LRP1B: variants seen among roughly 807,000 people sequenced by gnomAD.
LRP1B encodes low-density lipoprotein receptor-related protein 1B.
In LRP1B, 217 loss-of-function variants were observed where a neutral mutation model predicts 556.6. The ratio of observed to expected loss-of-function variants is 0.39; its 90% CI spans 0.35 to 0.44. The LOEUF is 0.44. Ranked by LOEUF, LRP1B falls within the 20% of genes least tolerant of loss-of-function variation. The pLI, the probability that LRP1B is intolerant of heterozygous loss-of-function variation, is 1.00. For missense variants in LRP1B, 5,053 were observed against 5,620.8 expected, an observed-to-expected ratio of 0.90 and a Z score of 3.23; for synonymous variants, 2,047 against 1,865.8, an observed-to-expected ratio of 1.10 and a Z score of -2.50.
intron 60 of LRP1B, among the ~76,000 whole-genome samples, chr2:140,462,533 G>C (rs1687366864): frequency 6.6e-6 from 1 of 152,186 alleles, no homozygotes; most frequent in Non-Finnish European, 1.5e-5. Context: ...AATCATTATA[G>C]TTGAGCGTAG....
chr2:142,103,847 G>A (rs773446997), intron 1 of LRP1B, among the ~76,000 whole-genome samples: 1 of 152,072 alleles, frequency 6.6e-6, no homozygotes, highest in Non-Finnish European at 1.5e-5. Flanking sequence ...TACCTACCGT[G>A]TATAAGAAAA....
At chr2:141,225,715 TC>T (rs1553479036) in intron 6 of LRP1B, among the ~76,000 whole-genome samples, 4 of 152,096 alleles carry the variant, frequency 2.6e-5, no homozygotes, top group Non-Finnish European at 5.9e-5. Context: ...GTCTATCATT[TC>T]CCCCCAAGGT....
intron 1 of LRP1B, among the ~76,000 whole-genome samples, chr2:142,081,325 T>G (rs10190320): frequency 0.25 from 37,327 of 150,970 alleles, 4,886 homozygotes; most frequent in Non-Finnish European, 0.26. Flanking sequence ...AATGAGGGAG[T>G]TTTTTTTTCT....
In LRP1B at chr2:140,769,205, C is replaced by T. The variant is rs767861731; in HGVS notation, c.5758+8G>A. 7 of 1,610,014 alleles carry T rather than the reference C, an allele frequency of 4.3e-6. No individual in the cohort carries two copies. Among genetic ancestry groups the T allele is most frequent in the Non-Finnish European group, 5.9e-6 (7 of 1,177,482 alleles). ...TTATGCATAAATTATGACTAAAAAGCTATTTACCTGCATGGAAATCTATTC... is the reference window on the plus strand; with the variant it reads ...TTATGCATAAATTATGACTAAAAAGTTATTTACCTGCATGGAAATCTATTC... On this transcript the variant is annotated splice_region_variant and intron_variant, in intron 35 of 90. Transcript: ENST00000389484.
At chr2:141,631,347 A>G (rs867568558) in intron 2 of LRP1B, among the ~76,000 whole-genome samples, 1 of 152,094 alleles carries the variant, frequency 6.6e-6, no homozygotes, top group South Asian at 2.1e-4. Context: ...GGGTGGGGAC[A>G]CAGCCAAACC....
intron 35 of LRP1B, among the ~76,000 whole-genome samples, chr2:140,732,997 G>A (rs1290773437): frequency 6.6e-6 from 1 of 152,112 alleles, no homozygotes; most frequent in Non-Finnish European, 1.5e-5. Flanking sequence ...CTCTCTGTGT[G>A]TACTTGTGTG....
chr2:141,889,344 T>C (rs1330076449), intron 1 of LRP1B, among the ~76,000 whole-genome samples: 2 of 152,180 alleles, frequency 1.3e-5, no homozygotes, highest in African/African-American at 4.8e-5. Context: ...TCTGAAATTA[T>C]GATAAAGAAT....
chr2:140,983,384 G>A (rs1375986533), intron 17 of LRP1B, among the ~76,000 whole-genome samples: 1 of 152,018 alleles, frequency 6.6e-6, no homozygotes, highest in Non-Finnish European at 1.5e-5. Context: ...AGGGAATCTT[G>A]CTGAGTTTAT....
intron 3 of LRP1B, among the ~76,000 whole-genome samples, chr2:141,293,316 T>C (rs970009781): frequency 4.6e-5 from 7 of 152,208 alleles, no homozygotes; most frequent in African/African-American, 1.7e-4. Context: ...TTTCTCACTT[T>C]GGGATCAAAA....
At chr2:141,380,171 T>C (rs1252406174) in intron 3 of LRP1B, among the ~76,000 whole-genome samples, 5 of 151,978 alleles carry the variant, frequency 3.3e-5, no homozygotes, top group South Asian at 2.1e-4. Context: ...AGCGGCAGTT[T>C]TGAGCAGTCA....
chr2:140,991,817 AAAAC>A (rs1240222018), intron 16 of LRP1B, among the ~76,000 whole-genome samples: 1 of 152,122 alleles, frequency 6.6e-6, no homozygotes, highest in Non-Finnish European at 1.5e-5. Context: ...GCAGAGGAGA[AAAAC>A]AGGACATGTT....
chr2:140,341,507 T>C (rs1455848858), intron 77 of LRP1B, among the ~76,000 whole-genome samples: 2 of 151,424 alleles, frequency 1.3e-5, no homozygotes, highest in Non-Finnish European at 3.0e-5. Context: ...AAGACCATTC[T>C]CCAGGTGATA....
intron 2 of LRP1B, among the ~76,000 whole-genome samples, chr2:141,644,841 C>G (rs934267821): frequency 3.3e-5 from 5 of 151,786 alleles, no homozygotes; most frequent in Admixed American, 1.3e-4. Flanking sequence ...CTCATTCCTC[C>G]TGATCCATCT....
chr2:141,546,814 T>A (rs140864857), intron 2 of LRP1B, among the ~76,000 whole-genome samples: 1 of 152,192 alleles, frequency 6.6e-6, no homozygotes, highest in Non-Finnish European at 1.5e-5. Context: ...AACTGCCTGC[T>A]CCTTCAACAT....
At chr2:141,495,840 T>C (rs552155706) in intron 2 of LRP1B, among the ~76,000 whole-genome samples, 3 of 152,164 alleles carry the variant, frequency 2.0e-5, no homozygotes, top group East Asian at 3.9e-4. Context: ...ATATACAAAT[T>C]CTTCTCTGCA....
intron 1 of LRP1B, among the ~76,000 whole-genome samples, chr2:141,860,784 T>C (rs1698213623): frequency 6.6e-6 from 1 of 152,202 alleles, no homozygotes; most frequent in Non-Finnish European, 1.5e-5. Context: ...TCTACAGTAA[T>C]GACGATTTTC....
rs1490937507 is a variant in LRP1B, at chr2:141,156,112, T to C, written c.1013+32309A>G. ...GAGAAACACAATGGACTAACCTACA[T>C]ATCTCACCAGAACTAAAACAAAAGC... On this transcript the variant is annotated intron_variant, in intron 7 of 90. Transcript: ENST00000389484. Among the ~76,000 whole-genome samples the C allele has an allele frequency of 3.9e-5, 6 of 152,156 alleles. No individual in the cohort carries two copies. The East Asian group carries it at 1.2e-3, about 29-fold the overall frequency.
At chr2:140,736,200 C>A (rs1386455464) in intron 35 of LRP1B, among the ~76,000 whole-genome samples, 1 of 151,876 alleles carries the variant, frequency 6.6e-6, no homozygotes, top group African/African-American at 2.4e-5. Flanking sequence ...GAAAACCCAC[C>A]GAAGTATTAT....
At chr2:141,213,628 A>T (rs1422787443) in intron 6 of LRP1B, among the ~76,000 whole-genome samples, 1 of 152,222 alleles carries the variant, frequency 6.6e-6, no homozygotes, top group African/African-American at 2.4e-5. Context: ...TATTTTTCTC[A>T]TCAACACTAT....
Sources: gnomAD v4.1 joint callset for allele counts (sites outside exome capture counted in the v4.1 genomes callset) on GRCh38, gnomAD v4.1.1 for gene constraint, MANE v1.5 for transcripts, NCBI Gene and HGNC (gene_info 2026-07-23, HGNC 2026-07-21) for gene names.